Variants in MACROD2 observed in about 807,000 individuals in gnomAD.
The protein encoded by MACROD2 is mono-ADP ribosylhydrolase 2.
A neutral mutation model predicts 70.4 loss-of-function variants in MACROD2; 36 were observed. The observed-to-expected ratio is 0.51, with a 90% confidence interval of 0.39 to 0.68. MACROD2 has a LOEUF of 0.68. Among genes scored for constraint, MACROD2 ranks in the 30% least tolerant of loss-of-function variants. MACROD2 has a pLI of 0.00. For missense variants in MACROD2, 496 were observed against 538.4 expected, an observed-to-expected ratio of 0.92 and a Z score of 0.78; for synonymous variants, 172 against 178.8, an observed-to-expected ratio of 0.96 and a Z score of 0.30.
chr20:14,991,511 A>C (rs891301408), intron 5 of MACROD2, among the ~76,000 whole-genome samples: 1 of 152,182 alleles, frequency 6.6e-6, no homozygotes, highest in African/African-American at 2.4e-5. Flanking sequence ...TTTGCAAAGG[A>C]GCTAACTGAG....
intron 8 of MACROD2, among the ~76,000 whole-genome samples, chr20:15,759,874 ACATG>A (rs1177819956): frequency 6.6e-6 from 1 of 152,238 alleles, no homozygotes; most frequent in Admixed American, 6.5e-5. Flanking sequence ...CAGAACTCGT[ACATG>A]CATTTGTACC....
chr20:14,073,244 G>C (rs1234769018), intron 2 of MACROD2, among the ~76,000 whole-genome samples: 1 of 151,964 alleles, frequency 6.6e-6, no homozygotes, highest in Non-Finnish European at 1.5e-5. Flanking sequence ...GCTGAGGCAG[G>C]AGAATCGCTT....
At chr20:15,545,621 G>C (rs909624753) in intron 8 of MACROD2, among the ~76,000 whole-genome samples, 1 of 152,076 alleles carries the variant, frequency 6.6e-6, no homozygotes, top group Admixed American at 6.5e-5. Context: ...AATAAATCTT[G>C]TTTCATTGTC....
At chr20:14,666,128 C>T (rs1371800946) in intron 4 of MACROD2, among the ~76,000 whole-genome samples, 2 of 152,076 alleles carry the variant, frequency 1.3e-5, no homozygotes, top group Non-Finnish European at 2.9e-5. Flanking sequence ...CCTCCTGCTC[C>T]TCCCCTTGAG....
rs575875605 is a variant in MACROD2 at position 14,802,557 on chromosome 20, C to G, written c.418+117598C>G. ...TTTTAATTTAGACATATCTAGTGTA[C>G]ATGCTGAGTGTGCCTATAAGTGTTA... On this transcript the variant is annotated intron_variant, in intron 5 of 17. Coordinates refer to ENST00000684519, the MANE Select transcript of MACROD2 (RefSeq NM_001351661.2). Among the ~76,000 whole-genome samples the G allele has an allele frequency of 9.2e-5, 14 of 152,046 alleles. 1 individual carries two copies. The highest frequency in any genetic ancestry group is 3.4e-3 in the Middle Eastern group (1 of 294).
intron 8 of MACROD2, among the ~76,000 whole-genome samples, chr20:15,640,607 A>G (rs1006637832): frequency 2.0e-4 from 31 of 152,190 alleles, no homozygotes; most frequent in African/African-American, 7.2e-4. Flanking sequence ...TTCTTGTTTT[A>G]TCATCCCTTC....
At chr20:15,785,292 A>G (rs1360429765) in intron 8 of MACROD2, among the ~76,000 whole-genome samples, 3 of 152,222 alleles carry the variant, frequency 2.0e-5, no homozygotes, top group Non-Finnish European at 4.4e-5. Flanking sequence ...ACAAAAAAAC[A>G]CAGCAGTGGC....
intron 3 of MACROD2, among the ~76,000 whole-genome samples, chr20:14,443,081 G>GAA (rs990678904): frequency 4.8e-4 from 62 of 129,194 alleles, no homozygotes; most frequent in Middle Eastern, 4.5e-3. Context: ...TCTGTCTCAA[G>GAA]AAAAAAAAAA....
chr20:14,437,465 G>A (rs1433769483), intron 3 of MACROD2, among the ~76,000 whole-genome samples: 1 of 152,014 alleles, frequency 6.6e-6, no homozygotes, highest in Non-Finnish European at 1.5e-5. Context: ...GTGGTGGTGA[G>A]TGCCTGTAAT....
At chr20:14,784,315 G>T (rs1600660156) in intron 5 of MACROD2, among the ~76,000 whole-genome samples, 1 of 152,162 alleles carries the variant, frequency 6.6e-6, no homozygotes, top group African/African-American at 2.4e-5. Context: ...CTTTGTTCAG[G>T]ACGGAGCTTG....
In MACROD2 at chr20:14,828,653, G is replaced by A. The variant is rs540791763; in HGVS notation, c.418+143694G>A. Among the ~76,000 whole-genome samples the A allele has an allele frequency of 9.9e-5, 15 of 152,122 alleles. No homozygotes were observed. The South Asian group carries it at 1.7e-3, about 17-fold the overall frequency. ...AACTTGTGCTGTGAAGGAATGTTAC[G>A]TCATTGAACCTGATCTAGGATGGAG... On this transcript the variant is annotated intron_variant, in intron 5 of 17. Transcript: ENST00000684519.
chr20:15,773,713 C>G (rs917071346), intron 8 of MACROD2, among the ~76,000 whole-genome samples: 3 of 152,094 alleles, frequency 2.0e-5, no homozygotes, highest in Non-Finnish European at 2.9e-5. Context: ...TTCCTGAAGA[C>G]AGCTGATAAA....
At chr20:16,048,623 C>G (rs2067416522) in intron 17 of MACROD2, among the ~76,000 whole-genome samples, 1 of 152,080 alleles carries the variant, frequency 6.6e-6, no homozygotes, top group African/African-American at 2.4e-5. Flanking sequence ...ACAAGGAAAT[C>G]CCACCACGAT....
chr20:14,040,770 A>G (rs1346396682), intron 2 of MACROD2, among the ~76,000 whole-genome samples: 1 of 152,180 alleles, frequency 6.6e-6, no homozygotes, highest in Admixed American at 6.5e-5. Context: ...GGCAGTAGGA[A>G]TTTTTCAGCT....
chr20:15,834,435 G>C (rs576071089), intron 8 of MACROD2, among the ~76,000 whole-genome samples: 25 of 152,230 alleles, frequency 1.6e-4, no homozygotes, highest in Non-Finnish European at 3.4e-4. Flanking sequence ...CAACTACCAA[G>C]TACCTCTTTA....
At chr20:14,825,385 A>G (rs1457613276) in intron 5 of MACROD2, among the ~76,000 whole-genome samples, 1 of 152,102 alleles carries the variant, frequency 6.6e-6, no homozygotes, top group Admixed American at 6.6e-5. Context: ...AGTCTTTTCT[A>G]GAAAGGTCTC....
intron 3 of MACROD2, among the ~76,000 whole-genome samples, chr20:14,107,608 A>G (rs1158369091): frequency 6.6e-6 from 1 of 152,186 alleles, no homozygotes; most frequent in Middle Eastern, 3.2e-3. Flanking sequence ...CCCAAAGTCA[A>G]AGATAGGGAA....
chr20:14,454,824 C>T (rs894345517), intron 3 of MACROD2, among the ~76,000 whole-genome samples: 1 of 141,072 alleles, frequency 7.1e-6, no homozygotes, highest in African/African-American at 2.7e-5. Context: ...GAGATCTCTG[C>T]TCACTGCAAG....
At position 14,684,895 on chromosome 20, in the gene MACROD2, T is replaced by G; in HGVS notation, c.354T>G (p.Arg118=). 6.2e-7 allele frequency: 1 copy of G among 1,614,072 alleles called. No homozygotes were observed. The highest frequency in any genetic ancestry group is 1.6e-4 in the Middle Eastern group (1 of 6,062). Reference sequence around the variant, plus strand: ...GCCCCTGTTTGCTAGCTGAATGTCGTAACCTGAATGGCTGTGATACTGGAC... The same window carrying G: ...GCCCCTGTTTGCTAGCTGAATGTCGGAACCTGAATGGCTGTGATACTGGAC... ...AAGPCLLAEC[R]NLNGCDTGHA... Residue 118 remains arginine (R), a synonymous_variant, in exon 5 of 18, where the codon CGT becomes CGG. Transcript: ENST00000684519.
Sources: gnomAD v4.1 joint callset for allele counts (sites outside exome capture counted in the v4.1 genomes callset) on GRCh38, gnomAD v4.1.1 for gene constraint, MANE v1.5 for transcripts, NCBI Gene and HGNC (gene_info 2026-07-23, HGNC 2026-07-21) for gene names.